Variants in RGS18 observed in about 807,000 individuals in gnomAD.
RGS18 encodes the protein regulator of G-protein signaling 18.
RGS18 carries 22 observed loss-of-function variants against 27.6 expected under a neutral mutation model. That is an observed-to-expected ratio of 0.80 (90% CI 0.57 to 1.14). The LOEUF is 1.14. Ranked by LOEUF, RGS18 falls within the 50% of genes most tolerant of loss-of-function variation. RGS18 has a pLI of 0.00. For missense variants in RGS18, 299 were observed against 269.6 expected (o/e 1.11, Z -0.76); for synonymous variants, 89 against 84.6 (o/e 1.05, Z -0.29).
At chr1:192,163,771 A>G (rs1182290162) in intron 3 of RGS18, 2 of 151,746 alleles carry the variant, frequency 1.3e-5, no homozygotes, top group Non-Finnish European at 2.9e-5. Context: ...ACTTAAAATA[A>G]TCACCTAAAA....
In RGS18 at chr1:192,184,335, C is replaced by G. The variant is rs745447755; in HGVS notation, c.489C>G (p.Asn163Lys). The change falls in exon 5 of 5, where the codon AAC becomes AAG. Residue 163 changes from asparagine to lysine, a missense_variant. Transcript: ENST00000367460. ...TTCACACAAAAGAAGTCATTACAAA[C>G]AGCATCACTCAACCTACCCTCCACA... ...LDFHTKEVIT[N>K]SITQPTLHSF... The G allele has an allele frequency of 2.5e-6, 4 of 1,610,786 alleles. No homozygotes were observed. Among genetic ancestry groups the G allele is most frequent in the Non-Finnish European group, 3.4e-6 (4 of 1,177,748 alleles).
intron 3 of RGS18, among the ~76,000 whole-genome samples, chr1:192,174,262 T>A (rs945289308): frequency 6.6e-6 from 1 of 151,794 alleles, no homozygotes; most frequent in Non-Finnish European, 1.5e-5. Context: ...ATGTTACTAG[T>A]GTCAATTATT....
rs77254046 is a variant in RGS18, at chr1:192,178,043, C to T, written c.284-3249C>T. 1.1e-3 allele frequency among the ~76,000 whole-genome samples: 172 copies of T among 151,216 alleles called. 3 individuals carry two copies. The East Asian group carries it at 0.019, about 17-fold the overall frequency. Reference sequence around the variant, plus strand: ...TAATAATTTGTGTGAGAGATAGTTCCGGTCTAAATAAAAGTAATTACAGAT... The same window carrying T: ...TAATAATTTGTGTGAGAGATAGTTCTGGTCTAAATAAAAGTAATTACAGAT... On this transcript the variant is annotated intron_variant, in intron 3 of 4. Coordinates refer to ENST00000367460, the MANE Select transcript of RGS18 (RefSeq NM_130782.3).
chr1:192,169,966 G>A (rs1204045703), intron 3 of RGS18, among the ~76,000 whole-genome samples: 1 of 152,152 alleles, frequency 6.6e-6, no homozygotes, highest in Non-Finnish European at 1.5e-5. Context: ...GAAAGATTAA[G>A]TAAGTATAGG....
chr1:192,169,397 C>T (rs183537603), intron 3 of RGS18: 16 of 152,246 alleles, frequency 1.1e-4, no homozygotes, highest in African/African-American at 3.6e-4. Context: ...ACTTTCTTTC[C>T]TCTTTGGAAA....
Position 192,168,589 on chromosome 1 carries a change from ATAATGT to A in RGS18, c.283+8152_283+8157del, listed in dbSNP as rs1210537825. On this transcript the variant is annotated intron_variant, in intron 3 of 4. Transcript: ENST00000367460. ...GAATTAGTGAAGGACTCTATTTGAA[ATAATGT>A]TTATGTTATTTTCTGGAAGACTTCT... 2.6e-5 allele frequency: 4 copies of A among 152,298 alleles called. No individual in the cohort carries two copies. In the East Asian group the frequency reaches 7.7e-4, roughly 29 times the overall value. The allele number at this position is 152,298 out of a possible 1,614,324, so 9.4% of individuals were successfully genotyped here. A position where few individuals can be genotyped will look rare whatever the true frequency, so the allele number is the denominator to read the frequency against.
chr1:192,176,564 G>T (rs756221949), intron 3 of RGS18, among the ~76,000 whole-genome samples: 3 of 151,536 alleles, frequency 2.0e-5, no homozygotes, highest in Non-Finnish European at 4.4e-5. Flanking sequence ...CCATTACTTT[G>T]TAATGACCCT....
intron 3 of RGS18, among the ~76,000 whole-genome samples, chr1:192,166,559 A>G (rs781451189): frequency 2.6e-5 from 4 of 152,174 alleles, no homozygotes; most frequent in Non-Finnish European, 5.9e-5. Context: ...TATAAAAGCT[A>G]AATTCAAAGT....
chr1:192,177,662 T>C (rs1471120089), intron 3 of RGS18, among the ~76,000 whole-genome samples: 1 of 151,744 alleles, frequency 6.6e-6, no homozygotes, highest in East Asian at 1.9e-4. Context: ...CCGGACAAGA[T>C]GAAGTGTAAT....
At chr1:192,172,377 C>G (rs973043035) in intron 3 of RGS18, among the ~76,000 whole-genome samples, 1 of 151,980 alleles carries the variant, frequency 6.6e-6, no homozygotes, top group Admixed American at 6.6e-5. Context: ...TTTGATCCCT[C>G]TCTGCACATG....
chr1:192,169,944 C>T (rs919677307), intron 3 of RGS18, among the ~76,000 whole-genome samples: 1 of 152,122 alleles, frequency 6.6e-6, no homozygotes, highest in Non-Finnish European at 1.5e-5. Context: ...AGGACAAATA[C>T]TTTAGCAATT....
At position 192,165,100 on chromosome 1, in the gene RGS18, T is replaced by A. The variant is rs534227647; in HGVS notation, c.283+4661T>A. On this transcript the variant is annotated intron_variant, in intron 3 of 4. Coordinates refer to ENST00000367460, the MANE Select transcript of RGS18 (RefSeq NM_130782.3). Reference sequence around the variant, plus strand: ...TTTCCCCAGTAAGGAATATTAATAATTAACAGCCCTGGGGAAAGAATGGAT... The same window carrying A: ...TTTCCCCAGTAAGGAATATTAATAAATAACAGCCCTGGGGAAAGAATGGAT... 5.9e-5 allele frequency among the ~76,000 whole-genome samples: 9 copies of A among 152,230 alleles called. No individual in the cohort carries two copies. The East Asian group carries it at 1.2e-3, about 20-fold the overall frequency.
intron 3 of RGS18, among the ~76,000 whole-genome samples, chr1:192,174,456 A>C (rs1033438293): frequency 1.8e-4 from 27 of 151,874 alleles, no homozygotes; most frequent in African/African-American, 6.5e-4. Flanking sequence ...ATGATGTTTA[A>C]GTTTTATATA....
intron 3 of RGS18, among the ~76,000 whole-genome samples, chr1:192,173,598 T>G (rs1393030709): frequency 6.6e-6 from 1 of 151,892 alleles, no homozygotes; most frequent in Non-Finnish European, 1.5e-5. Context: ...GAGAGAAATG[T>G]TTTATTATAA....
intron 3 of RGS18, among the ~76,000 whole-genome samples, chr1:192,178,999 A>G (rs994798932): frequency 5.3e-5 from 8 of 151,582 alleles, no homozygotes; most frequent in Admixed American, 2.0e-4. Flanking sequence ...AGATAAAGGA[A>G]AGAAGAAGGA....
chr1:192,160,256 T>A, intron 2 of RGS18, 122 bp from the exon 3 acceptor site: 1 of 467,570 alleles, frequency 2.1e-6, no homozygotes. Flanking sequence ...TTCATTATAT[T>A]ATAATCAAAG....
intron 3 of RGS18, among the ~76,000 whole-genome samples, chr1:192,174,575 G>C (rs1228291539): frequency 1.3e-5 from 2 of 151,792 alleles, no homozygotes; most frequent in African/African-American, 4.8e-5. Flanking sequence ...TTTGCTTCAT[G>C]TATTTTGAAG....
intron 3 of RGS18, among the ~76,000 whole-genome samples, chr1:192,175,268 A>G (rs1344299057): frequency 2.0e-5 from 3 of 151,728 alleles, no homozygotes; most frequent in African/African-American, 7.3e-5. Context: ...TTTTATTGAT[A>G]TTTTATCAAC....
At chr1:192,184,276 A>C in intron 4 of RGS18, 21 bp from the exon 5 acceptor site, 5 of 1,597,670 alleles carry the variant, frequency 3.1e-6, no homozygotes, top group Non-Finnish European at 4.3e-6. Context: ...CTATAATCAC[A>C]CTTTTTTTCT....
Sources: gnomAD v4.1 joint callset for allele counts (sites outside exome capture counted in the v4.1 genomes callset) on GRCh38, gnomAD v4.1.1 for gene constraint, MANE v1.5 for transcripts, NCBI Gene and HGNC (gene_info 2026-07-23, HGNC 2026-07-21) for gene names.